Variants in TIMM23B observed in about 807,000 individuals in gnomAD.
The protein encoded by TIMM23B is translocase of inner mitochondrial membrane 23 homolog B.
A neutral mutation model predicts 27.3 loss-of-function variants in TIMM23B; 27 were observed. That is an observed-to-expected ratio of 0.99 (90% CI 0.73 to 1.36). The LOEUF (loss-of-function observed/expected upper bound fraction) is 1.36. Among genes scored for constraint, TIMM23B ranks in the 40% most tolerant of loss-of-function variants. The pLI, the probability that TIMM23B is intolerant of heterozygous loss-of-function variation, is 0.00. For synonymous variants in TIMM23B, 73 were observed against 92.4 expected, an observed-to-expected ratio of 0.79 and a Z score of 1.21; for missense variants, 205 against 244.2, an observed-to-expected ratio of 0.84 and a Z score of 1.07.
In TIMM23B at chr10:49,957,142, A is replaced by G. The variant is rs1413477045; in HGVS notation, c.404-1228A>G. Among the ~76,000 whole-genome samples the G allele has an allele frequency of 1.1e-4, 16 of 152,144 alleles. No individual in the cohort carries two copies. The South Asian group carries it at 2.9e-3, about 28-fold the overall frequency. ...GTTATTTTACCTGTGCTTCTGACCA[A>G]CCAGCTTTGTCAGGGTTTCCCACAA... On this transcript the variant is annotated intron_variant, in intron 5 of 6. Transcript: ENST00000651259.
intron 6 of TIMM23B, among the ~76,000 whole-genome samples, chr10:49,961,667 A>G (rs1350491279): frequency 2.6e-5 from 4 of 151,530 alleles, no homozygotes; most frequent in Non-Finnish European, 4.4e-5. Context: ...TGGTGCCATC[A>G]TGGCTCACTA....
chr10:49,955,714 T>C (rs1160819294), intron 5 of TIMM23B, among the ~76,000 whole-genome samples: 2 of 152,184 alleles, frequency 1.3e-5, no homozygotes, highest in African/African-American at 2.4e-5. Context: ...TCAATTTAAA[T>C]TGTGGCAGAT....
intron 6 of TIMM23B, among the ~76,000 whole-genome samples, chr10:49,961,111 G>A (rs1839880801): frequency 1.3e-5 from 2 of 152,096 alleles, no homozygotes; most frequent in Middle Eastern, 3.4e-3. Context: ...AGCTGGGCAC[G>A]GTGGCTCACG....
intron 1 of TIMM23B, among the ~76,000 whole-genome samples, chr10:49,942,694 C>A (rs1839175365): frequency 6.6e-6 from 1 of 152,120 alleles, no homozygotes; most frequent in African/African-American, 2.4e-5. Flanking sequence ...ATATTCTGAG[C>A]CTCCAAGTAG....
In TIMM23B at chr10:49,973,680, A is replaced by C. The variant is rs1474255302; in HGVS notation, c.*616A>C. ...TGACACACCAAGTTGCCATCTCTTC[A>C]AAAAAGGAATCTAGAGACATCAGTG... On this transcript the variant is annotated 3_prime_UTR_variant, in exon 7 of 7. Coordinates refer to ENST00000651259, the MANE Select transcript of TIMM23B (RefSeq NM_001290117.2). 2 of 151,676 alleles carry C rather than the reference A, an allele frequency of 1.3e-5. No individual in the cohort carries two copies. Among genetic ancestry groups the C allele is most frequent in the Non-Finnish European group, 2.9e-5 (2 of 68,030 alleles). The allele number at this position is 151,676 out of a possible 1,614,324, so 9.4% of individuals were successfully genotyped here. A position where few individuals can be genotyped will look rare whatever the true frequency, so the allele number is the denominator to read the frequency against.
At chr10:49,945,797 A>C (rs1421317582) in intron 2 of TIMM23B, among the ~76,000 whole-genome samples, 1 of 152,186 alleles carries the variant, frequency 6.6e-6, no homozygotes, top group Non-Finnish European at 1.5e-5. Flanking sequence ...ATTTATAATA[A>C]AGCAATCAAG....
At chr10:49,957,214 C>T (rs1349684162) in intron 5 of TIMM23B, among the ~76,000 whole-genome samples, 2 of 151,058 alleles carry the variant, frequency 1.3e-5, no homozygotes, top group Non-Finnish European at 2.9e-5. Flanking sequence ...TCACAGAACT[C>T]GAGGGAACAC....
intron 2 of TIMM23B, among the ~76,000 whole-genome samples, 200 bp from the exon 3 acceptor site, chr10:49,951,926 C>T (rs1839544413): frequency 6.6e-6 from 1 of 152,230 alleles, no homozygotes; most frequent in African/African-American, 2.4e-5. Context: ...AGACTCCCTT[C>T]TAAGAACTGT....
At chr10:49,947,673 A>C (rs10997246) in intron 2 of TIMM23B, among the ~76,000 whole-genome samples, 3 of 151,978 alleles carry the variant, frequency 2.0e-5, no homozygotes, top group Admixed American at 6.6e-5. Context: ...CGTGCCTATA[A>C]TCCCAACACT....
At position 49,951,937 on chromosome 10, in the gene TIMM23B, G is replaced by A. The variant is rs1261585439; in HGVS notation, c.166-189G>A. On this transcript the variant is annotated intron_variant, in intron 2 of 6. Coordinates refer to ENST00000651259, the MANE Select transcript of TIMM23B (RefSeq NM_001290117.2). The stretch of plus-strand genomic sequence containing the variant: ...AATGAGACTCCCTTCTAAGAACTGT[G>A]TTTCGTATTTCATTTCACTTTGATT... Among the ~76,000 whole-genome samples, 8 of 152,276 alleles carry A rather than the reference G, an allele frequency of 5.3e-5. 1 individual carries two copies. Among genetic ancestry groups the A allele is most frequent in the Admixed American group, 5.2e-4 (8 of 15,298 alleles).
At chr10:49,960,475 A>G in intron 6 of TIMM23B, among the ~76,000 whole-genome samples, 1 of 152,196 alleles carries the variant, frequency 6.6e-6, no homozygotes, top group Non-Finnish European at 1.5e-5. Flanking sequence ...TAACTCTGCT[A>G]AGAATTGTAC....
At position 49,973,062 on chromosome 10, in the gene TIMM23B, T is replaced by C; in HGVS notation, c.565T>C (p.Ter189ArgextTer4). The change falls in exon 7 of 7, where the codon TGA becomes CGA. Residue 189 changes from the stop codon to arginine (R), a stop_lost. Coordinates refer to ENST00000651259, the MANE Select transcript of TIMM23B (RefSeq NM_001290117.2). ...SPFCVLLSGS* is the reference protein window; with the variant it reads ...SPFCVLLSGSR ...GTTCTGTGTGCTGCTGTCTGGCTCC[T>C]GAACCCAGCTGTAGAGGTGTGTGTC... 1 of 1,533,276 alleles carries C rather than the reference T, an allele frequency of 6.5e-7. No homozygotes were observed. Among genetic ancestry groups the C allele is most frequent in the Non-Finnish European group, 8.7e-7 (1 of 1,146,438 alleles). 95.0% of individuals were successfully genotyped at this position (1,533,276 alleles called of 1,614,324 possible).
chr10:49,946,825 T>C (rs1196261447), intron 2 of TIMM23B, among the ~76,000 whole-genome samples: 3 of 149,436 alleles, frequency 2.0e-5, no homozygotes, highest in Admixed American at 6.7e-5. Flanking sequence ...CTAAAATTCA[T>C]ATGGAAATTC....
intron 6 of TIMM23B, among the ~76,000 whole-genome samples, chr10:49,963,587 G>A (rs1276415205): frequency 1.3e-4 from 20 of 152,298 alleles, no homozygotes; most frequent in South Asian, 2.1e-4. Context: ...TTCTGGGTGC[G>A]GTGATGCACT....
chr10:49,942,462 A>G (rs1839153076), intron 1 of TIMM23B, among the ~76,000 whole-genome samples, 162 bp downstream of exon 1: 1 of 152,016 alleles, frequency 6.6e-6, no homozygotes, highest in Non-Finnish European at 1.5e-5. Flanking sequence ...CTGCTCTTTC[A>G]AGATAGAAAG....
intron 5 of TIMM23B, among the ~76,000 whole-genome samples, chr10:49,956,705 C>G (rs1839738206): frequency 6.9e-6 from 1 of 145,728 alleles, no homozygotes; most frequent in African/African-American, 2.5e-5. Context: ...GTATAGTATT[C>G]CATTATATGA....
chr10:49,953,303 A>G (rs1359262093), intron 4 of TIMM23B, among the ~76,000 whole-genome samples: 2 of 152,202 alleles, frequency 1.3e-5, no homozygotes, highest in Non-Finnish European at 2.9e-5. Context: ...AGATGGCACC[A>G]GATGTGCTAG....
Position 49,953,891 on chromosome 10 carries a change from C to T in TIMM23B, c.345-1111C>T, listed in dbSNP as rs1395511617. ...ATCCCATCTCCCTCTCCTCTCCCAC[C>T]TTATTTTGAGACAAAAACCCCAATA... On this transcript the variant is annotated intron_variant, in intron 4 of 6. Coordinates refer to ENST00000651259, the MANE Select transcript of TIMM23B (RefSeq NM_001290117.2). 3.7e-4 allele frequency among the ~76,000 whole-genome samples: 56 copies of T among 152,284 alleles called. No homozygotes were observed. In the East Asian group the frequency reaches 0.011, roughly 29 times the overall value.
chr10:49,952,365 A>G (rs1839559589), intron 3 of TIMM23B, 84 bp from the exon 4 acceptor site: 14 of 1,514,708 alleles, frequency 9.2e-6, no homozygotes, highest in African/African-American at 7.0e-5. Context: ...AATGAAAAAG[A>G]ATCAGAAGTG....
Sources: gnomAD v4.1 joint callset for allele counts (sites outside exome capture counted in the v4.1 genomes callset) on GRCh38, gnomAD v4.1.1 for gene constraint, MANE v1.5 for transcripts, NCBI Gene and HGNC (gene_info 2026-07-23, HGNC 2026-07-21) for gene names.